The following ARID1B variants were observed in gnomAD, a reference collection of about 807,000 sequenced individuals.
ARID1B encodes the protein AT-rich interactive domain-containing protein 1B.
Under a neutral mutation model 212.3 loss-of-function variants are expected in ARID1B, and 30 were observed. The ratio of observed to expected loss-of-function variants is 0.14; its 90% CI spans 0.11 to 0.19. The LOEUF is 0.19. ARID1B is among the 10% of genes least tolerant of loss of function. The probability of loss-of-function intolerance (pLI) is 1.00; values close to 1 mark genes in which losing one functional copy is unlikely to be tolerated. For missense variants in ARID1B, 2,891 were observed against 3,204.0 expected (o/e 0.90, Z 2.36); for synonymous variants, 1,402 against 1,301.7 (o/e 1.08, Z -1.66).
At position 156,832,977 on chromosome 6, in the gene ARID1B, C is replaced by A. The variant is rs774379845; in HGVS notation, c.1986+3556C>A. ...GTTCTCCCACATCATCAGGCAAATA[C>A]ATGGCTAAACAGATTAGTTTTGCAC... On this transcript the variant is annotated intron_variant, in intron 2 of 19. Transcript: ENST00000636930. 5.3e-4 allele frequency among the ~76,000 whole-genome samples: 81 copies of A among 152,252 alleles called. No individual in the cohort carries two copies. The Middle Eastern group carries it at 0.027, about 51-fold the overall frequency.
chr6:156,822,930 T>A (rs1053254367), intron 1 of ARID1B, among the ~76,000 whole-genome samples: 1 of 152,244 alleles, frequency 6.6e-6, no homozygotes, highest in African/African-American at 2.4e-5. Context: ...GAGTACTGTT[T>A]GTAATATGCT....
chr6:156,829,251 A>G lies in ARID1B; in HGVS notation c.1816A>G (p.Met606Val). The change falls in exon 2 of 20, where the codon ATG becomes GTG. Residue 606 changes from methionine (M) to valine (V), a missense_variant. Physicochemically the swap from Met to Val is conservative, Grantham distance 21. Around this residue, in one of 7 missense-constraint regions of ARID1B, gnomAD observed 1,643 missense variants for 1,544.0 expected, o/e 1.06. Transcript: ENST00000636930. ...GGGCAGCCCAATGGATCCAATGGTG[A>G]TGAAGAGACCTCAGTTGTATGGCAT... ...SQGSPMDPMV[M>V]KRPQLYGMGS... 6.2e-7 allele frequency: 1 copy of G among 1,614,156 alleles called. No individual in the cohort carries two copies. The highest frequency in any genetic ancestry group is 1.1e-5 in the South Asian group (1 of 91,074).
At position 157,203,106 on chromosome 6, in the gene ARID1B, T is replaced by C. The variant is rs1794220568; in HGVS notation, c.5264-760T>C. Among the ~76,000 whole-genome samples, 1 of 152,190 alleles carries C rather than the reference T, an allele frequency of 6.6e-6. No individual in the cohort carries two copies. Among genetic ancestry groups the C allele is most frequent in the African/African-American group, 2.4e-5 (1 of 41,452 alleles). ...GAAAAGCCACGGTGTCTCCCCCTCA[T>C]GCAATGATTCTTGGTGCCTGGAGAA... On this transcript the variant is annotated intron_variant, in intron 18 of 19. Transcript: ENST00000636930. The surrounding 1 kb of genome is among the most constrained non-coding windows in gnomAD (Gnocchi z 4.4).
At chr6:157,127,075 TATAAC>T (rs1017825585) in intron 6 of ARID1B, among the ~76,000 whole-genome samples, 5 of 152,198 alleles carry the variant, frequency 3.3e-5, no homozygotes, top group African/African-American at 9.7e-5. Context: ...AAAATAAAAA[TATAAC>T]AAAACAAGAA....
chr6:157,022,086 A>C (rs566830877), intron 4 of ARID1B, among the ~76,000 whole-genome samples: 1 of 152,176 alleles, frequency 6.6e-6, no homozygotes, highest in East Asian at 1.9e-4. Flanking sequence ...CAGGAACTAC[A>C]GACGAAGGAC....
chr6:156,831,082 G>A (rs1193440991), intron 2 of ARID1B, among the ~76,000 whole-genome samples: 1 of 152,050 alleles, frequency 6.6e-6, no homozygotes, highest in Non-Finnish European at 1.5e-5. Flanking sequence ...CTTTAGTTGT[G>A]GCTGCTAATT....
chr6:156,953,213 G>T (rs950157265), intron 4 of ARID1B, among the ~76,000 whole-genome samples: 13 of 152,240 alleles, frequency 8.5e-5, no homozygotes, highest in Admixed American at 8.5e-4. Context: ...TGGTTGGAAA[G>T]CAAAGCTCCA....
Position 157,110,473 on chromosome 6 carries a change from T to A in ARID1B, c.2493T>A (p.Gly831=). ...CACTTTCCCTCCTGTGTTTTACAGG[T>A]AGTCAGATGCCTCCGCAGCCACCCG... is the stretch of plus-strand genomic sequence containing the variant. ...SGPISPASIP[G]SQMPPQPPGS... The change falls in exon 6 of 20, where the codon GGT becomes GGA. Residue 831 remains glycine, a splice_region_variant and synonymous_variant. Coordinates refer to ENST00000636930, the MANE Select transcript of ARID1B (RefSeq NM_001374828.1). The A allele has an allele frequency of 1.2e-6, 2 of 1,614,068 alleles. No individual in the cohort carries two copies. The highest frequency in any genetic ancestry group is 1.7e-6 in the Non-Finnish European group (2 of 1,179,986).
chr6:157,057,486 A>T (rs1348464100), intron 4 of ARID1B, among the ~76,000 whole-genome samples: 1 of 151,784 alleles, frequency 6.6e-6, no homozygotes. Context: ...ATGAGGTTTC[A>T]CTATGTTGTG....
At chr6:157,150,293 C>G (rs1790102192) in intron 8 of ARID1B, 1 of 152,160 alleles carries the variant, frequency 6.6e-6, no homozygotes, top group East Asian at 1.9e-4. Context: ...CGTGCCCCCT[C>G]TCTGAGTCAG....
intron 2 of ARID1B, among the ~76,000 whole-genome samples, chr6:156,880,417 G>T (rs1786950562): frequency 6.6e-6 from 1 of 152,156 alleles, no homozygotes; most frequent in South Asian, 2.1e-4. Context: ...CAGTTATTTA[G>T]ATTTATTGTG....
intron 3 of ARID1B, among the ~76,000 whole-genome samples, chr6:156,921,386 TTGAC>T (rs1248863034): frequency 6.6e-6 from 1 of 150,912 alleles, no homozygotes; most frequent in Non-Finnish European, 1.5e-5. Flanking sequence ...AAATGGAAAT[TTGAC>T]TGTTTAAAAG....
At position 157,206,625 on chromosome 6, in the gene ARID1B, G is replaced by A. The variant is rs1384079948; in HGVS notation, c.5853G>A (p.Glu1951=). 6.2e-7 allele frequency: 1 copy of A among 1,614,002 alleles called. No individual in the cohort carries two copies. The highest frequency in any genetic ancestry group is 8.5e-7 in the Non-Finnish European group (1 of 1,180,010). ...HWQLGGGDTT[E]HIQTHFESKM... ...AGCTCGGCGGGGGTGACACCACCGA[G>A]CACATTCAGACTCACTTTGAGAGCA... The change falls in exon 20 of 20, where the codon GAG becomes GAA. Residue 1951 remains glutamate (E), a synonymous_variant. Transcript: ENST00000636930. The surrounding 1 kb of genome is among the most constrained non-coding windows in gnomAD (Gnocchi z 6.8).
At chr6:157,053,238 G>A (rs1454275886) in intron 4 of ARID1B, among the ~76,000 whole-genome samples, 11 of 151,874 alleles carry the variant, frequency 7.2e-5, no homozygotes, top group African/African-American at 1.7e-4. Flanking sequence ...GGCGCCTACC[G>A]CTATGCCTGG....
intron 4 of ARID1B, among the ~76,000 whole-genome samples, chr6:157,055,374 C>T (rs796237158): frequency 3.3e-5 from 5 of 152,202 alleles, no homozygotes; most frequent in East Asian, 1.9e-4. Flanking sequence ...TAAATTCACC[C>T]GTAGAACTTG....
At chr6:156,863,273 A>AC (rs1785459044) in intron 2 of ARID1B, among the ~76,000 whole-genome samples, 1 of 152,046 alleles carries the variant, frequency 6.6e-6, no homozygotes, top group Non-Finnish European at 1.5e-5. Context: ...TAGAGATGAG[A>AC]AGGAAAGGGG....
intron 2 of ARID1B, among the ~76,000 whole-genome samples, chr6:156,857,155 C>A (rs1045444752): frequency 3.9e-5 from 6 of 152,192 alleles, no homozygotes; most frequent in African/African-American, 1.4e-4. Flanking sequence ...TCTTAAATGA[C>A]ACCAAAAGTA....
intron 12 of ARID1B, among the ~76,000 whole-genome samples, chr6:157,183,048 C>T (rs1275476443): frequency 6.6e-6 from 1 of 152,188 alleles, no homozygotes; most frequent in Non-Finnish European, 1.5e-5. Flanking sequence ...TCTCCGCGGG[C>T]TTATAATGAG....
chr6:157,172,908 G>C (rs1026536940), intron 9 of ARID1B: 1 of 151,938 alleles, frequency 6.6e-6, no homozygotes, highest in African/African-American at 2.4e-5. Context: ...CAAACCTCAG[G>C]TTTATTTTCA....
Sources: allele counts gnomAD v4.1 joint callset (sites outside exome capture counted in the v4.1 genomes callset), GRCh38; gene constraint gnomAD v4.1.1; regional missense constraint gnomAD v4.1.1; non-coding constraint Gnocchi (gnomAD v3.1); transcripts MANE v1.5; gene names NCBI Gene and HGNC (gene_info 2026-07-23, HGNC 2026-07-21).